Variants in PRDM2 observed in about 807,000 individuals in gnomAD.
PRDM2 encodes the protein PR domain zinc finger protein 2.
In PRDM2, 30 loss-of-function variants were observed where a neutral mutation model predicts 130.0. The ratio of observed to expected loss-of-function variants is 0.23; its 90% CI spans 0.17 to 0.31. PRDM2 has a LOEUF of 0.31. Among genes scored for constraint, PRDM2 ranks in the 10% least tolerant of loss-of-function variants. The pLI is 1.00. For missense variants in PRDM2, 2,011 were observed against 2,108.4 expected (o/e 0.95, Z 0.90); for synonymous variants, 871 against 782.4 (o/e 1.11, Z -1.89).
At position 13,779,007 on chromosome 1, in the gene PRDM2, C is replaced by T; in HGVS notation, c.1212C>T (p.Asn404=). 1 of 1,614,176 alleles carries T rather than the reference C, an allele frequency of 6.2e-7. No homozygotes were observed. Among genetic ancestry groups the T allele is most frequent in the African/African-American group, 1.3e-5 (1 of 75,044 alleles). The change falls in exon 8 of 10, where the codon AAC becomes AAT. Residue 404 remains asparagine (N), a synonymous_variant. Coordinates refer to ENST00000311066, the MANE Select transcript of PRDM2 (RefSeq NM_001393986.1). This position sits in a 1 kb window ranked among gnomAD's most constrained non-coding sequence, Gnocchi z 4.9. ...GGAAAGCCTTTGGCACACAGATTAA[C>T]CGGCGGCGACATGAGCGGCGCCATG... ...YCGKAFGTQI[N]RRRHERRHEA... is the part of the protein sequence containing the mutation.
At chr1:13,762,158 C>T (rs1257537111) in intron 6 of PRDM2, among the ~76,000 whole-genome samples, 1 of 152,204 alleles carries the variant, frequency 6.6e-6, no homozygotes, top group Admixed American at 6.5e-5. Context: ...TGTGCATTAC[C>T]TCATTTACTT....
chr1:13,722,728 A>G, intron 2 of PRDM2: 3 of 422,752 alleles, frequency 7.1e-6, no homozygotes, highest in Non-Finnish European at 9.5e-6. Context: ...TCTTCTGGAC[A>G]AGAGGAGGGG....
At chr1:13,761,540 A>G (rs1644098392) in intron 6 of PRDM2, among the ~76,000 whole-genome samples, 2 of 152,110 alleles carry the variant, frequency 1.3e-5, no homozygotes, top group Non-Finnish European at 2.9e-5. Context: ...CCTTCTGTTG[A>G]TACACAATGC....
At chr1:13,731,814 A>T (rs1392212810) in intron 3 of PRDM2, among the ~76,000 whole-genome samples, 1 of 152,154 alleles carries the variant, frequency 6.6e-6, no homozygotes, top group Non-Finnish European at 1.5e-5. Flanking sequence ...CCGATATCCC[A>T]ATTTATATGT....
At chr1:13,761,171 G>A (rs1007873628) in intron 6 of PRDM2, among the ~76,000 whole-genome samples, 7 of 152,218 alleles carry the variant, frequency 4.6e-5, no homozygotes, top group Non-Finnish European at 8.8e-5. Flanking sequence ...AAGCAAACAC[G>A]TCTCACTGTT....
chr1:13,805,958 AC>A (rs998087141), intron 8 of PRDM2, among the ~76,000 whole-genome samples: 1 of 151,154 alleles, frequency 6.6e-6, no homozygotes, highest in African/African-American at 2.4e-5. Flanking sequence ...CTTTCCCTCC[AC>A]CCTTCTTGAA....
At chr1:13,775,093 A>G (rs559689008) in intron 7 of PRDM2, among the ~76,000 whole-genome samples, 1 of 152,316 alleles carries the variant, frequency 6.6e-6, no homozygotes, top group African/African-American at 2.4e-5. Context: ...GGTCTATACC[A>G]TGAGCAAACA....
At chr1:13,748,910 T>C (rs1003207794) in intron 5 of PRDM2, among the ~76,000 whole-genome samples, 7 of 152,240 alleles carry the variant, frequency 4.6e-5, no homozygotes, top group African/African-American at 1.7e-4. Flanking sequence ...CGTTGTCCTG[T>C]TGAAGTTGCT....
Position 13,782,341 on chromosome 1 carries a change from C to T in PRDM2, c.4546C>T (p.Arg1516Trp), listed in dbSNP as rs757221593. 40 of 1,613,988 alleles carry T rather than the reference C, an allele frequency of 2.5e-5. 1 individual carries two copies. Among genetic ancestry groups the T allele is most frequent in the East Asian group, 8.9e-5 (4 of 44,892 alleles). ...DKNSNSNHRR[R>W]TADAEIKMQS... ...AAACAGTAACAGCAACCACCGCAGA[C>T]GGACAGCGGATGCGGAGATTAAAAT... is the stretch of plus-strand genomic sequence containing the variant. The change falls in exon 8 of 10, where the codon CGG becomes TGG. Residue 1516 changes from arginine (R) to tryptophan (W), a missense_variant. By Grantham distance (101) the Arg-to-Trp change is moderately radical. Around this residue, in one of 5 missense-constraint regions of PRDM2, gnomAD observed 410 missense variants for 395.9 expected, o/e 1.04. Transcript: ENST00000311066.
intron 5 of PRDM2, among the ~76,000 whole-genome samples, chr1:13,746,703 C>T (rs1034147144): frequency 2.6e-5 from 4 of 152,136 alleles, no homozygotes; most frequent in African/African-American, 9.7e-5. Flanking sequence ...ACTACAGGCA[C>T]ACACCACCAT....
rs757483426 is a variant in PRDM2 at position 13,816,471 on chromosome 1, C to T, written c.5081C>T (p.Pro1694Leu). 24 of 1,614,042 alleles carry T rather than the reference C, an allele frequency of 1.5e-5. No individual in the cohort carries two copies. The highest frequency in any genetic ancestry group is 5.0e-5 in the Admixed American group (3 of 60,002). Residue 1694 changes from proline (P) to leucine (L), a missense_variant, in exon 9 of 10, where the codon CCG becomes CTG. Pro to Leu is a moderately conservative substitution (Grantham distance 98). Transcript: ENST00000311066. ...TCCCGATGCTCTCCACCAGCGGCCC[C>T]GTACATCACCAGGCAGTATAGGAAG... is the stretch of plus-strand genomic sequence containing the variant. Reference protein sequence around the residue: ...LASRCSPPAAPYITRQYRKVK... With the variant: ...LASRCSPPAALYITRQYRKVK...
rs541525160 is a variant in PRDM2 at position 13,821,527 on chromosome 1, A to C, written c.*24-1632A>C. The stretch of plus-strand genomic sequence containing the variant: ...GCCCAGGCTGGAGTGCAGTGGCGCA[A>C]TCTCAGGTCGCTGCAACCTCTGTCT... On this transcript the variant is annotated intron_variant, in intron 9 of 9. Coordinates refer to ENST00000311066, the MANE Select transcript of PRDM2 (RefSeq NM_001393986.1). Among the ~76,000 whole-genome samples the C allele has an allele frequency of 1.9e-3, 284 of 151,864 alleles. 4 individuals carry two copies. The highest frequency in any genetic ancestry group is 6.4e-3 in the African/African-American group (265 of 41,362).
intron 8 of PRDM2, among the ~76,000 whole-genome samples, chr1:13,796,330 T>C (rs901691390): frequency 1.2e-4 from 18 of 152,178 alleles, no homozygotes; most frequent in Admixed American, 3.9e-4. Flanking sequence ...GGAAGCTAGA[T>C]TGTGGTCCTG....
Position 13,728,463 on chromosome 1 carries a change from C to T in PRDM2, c.10-2537C>T, listed in dbSNP as rs112480611. ...TTCTAGAAATGTTCTAGGCAGTTTGCAGCCATAGCCACGGCCATGGAGAGT... is the reference window on the plus strand; with the variant it reads ...TTCTAGAAATGTTCTAGGCAGTTTGTAGCCATAGCCACGGCCATGGAGAGT... On this transcript the variant is annotated intron_variant, in intron 2 of 9. Transcript: ENST00000311066. Among the ~76,000 whole-genome samples the T allele has an allele frequency of 2.8e-3, 421 of 152,282 alleles. 1 individual carries two copies. Among genetic ancestry groups the T allele is most frequent in the Non-Finnish European group, 5.1e-3 (345 of 68,014 alleles).
intron 1 of PRDM2, among the ~76,000 whole-genome samples, chr1:13,706,996 C>A (rs956355006): frequency 1.3e-5 from 2 of 151,810 alleles, no homozygotes; most frequent in Non-Finnish European, 2.9e-5. Context: ...TTAATAAAAT[C>A]TTCGGAGAAG....
chr1:13,787,453 G>A, intron 8 of PRDM2: 2 of 985,290 alleles, frequency 2.0e-6, no homozygotes, highest in African/African-American at 1.7e-5. Context: ...AAGCGGCTAG[G>A]TTTTATTCAT....
At chr1:13,761,809 G>A (rs1644104549) in intron 6 of PRDM2, among the ~76,000 whole-genome samples, 1 of 152,148 alleles carries the variant, frequency 6.6e-6, no homozygotes, top group African/African-American at 2.4e-5. Context: ...TACACTCACA[G>A]CTTACACTGT....
intron 3 of PRDM2, 145 bp from the exon 4 acceptor site, chr1:13,732,634 T>G (rs887233663): frequency 3.5e-6 from 2 of 567,070 alleles, no homozygotes. Flanking sequence ...TTGACTTAAT[T>G]TAACTTGATC....
intron 6 of PRDM2, chr1:13,772,004 G>GT (rs1440240714): frequency 6.6e-6 from 1 of 152,168 alleles, no homozygotes; most frequent in African/African-American, 2.4e-5. Context: ...TATGGAGTAT[G>GT]TAACTTTACG....
Sources: gnomAD v4.1 joint callset for allele counts (sites outside exome capture counted in the v4.1 genomes callset) on GRCh38, gnomAD v4.1.1 for gene constraint, gnomAD v4.1.1 regional missense constraint, Gnocchi (gnomAD v3.1) non-coding constraint, MANE v1.5 for transcripts, NCBI Gene and HGNC (gene_info 2026-07-23, HGNC 2026-07-21) for gene names.